OXR1: variants seen among roughly 807,000 people sequenced by gnomAD.
The protein encoded by OXR1 is oxidation resistance protein 1.
OXR1 carries 41 observed loss-of-function variants against 104.6 expected under a neutral mutation model. The observed-to-expected ratio is 0.39, with a 90% confidence interval of 0.31 to 0.51. The LOEUF (loss-of-function observed/expected upper bound fraction) is 0.51. Among genes scored for constraint, OXR1 ranks in the 20% least tolerant of loss-of-function variants. The pLI is 0.77. For synonymous variants in OXR1, 348 were observed against 348.4 expected, an observed-to-expected ratio of 1.00 and a Z score of 0.01; for missense variants, 955 against 1,031.9, an observed-to-expected ratio of 0.93 and a Z score of 1.02.
chr8:106,339,323 G>A (rs1221870970), intron 1 of OXR1, among the ~76,000 whole-genome samples: 2 of 150,350 alleles, frequency 1.3e-5, no homozygotes, highest in African/African-American at 4.9e-5. Flanking sequence ...GTGAAACCCT[G>A]TCTCTACTAA....
chr8:106,713,037 G>T (rs548845868), intron 10 of OXR1, among the ~76,000 whole-genome samples: 5 of 151,998 alleles, frequency 3.3e-5, no homozygotes, highest in African/African-American at 1.2e-4. Flanking sequence ...TGATAAAAAG[G>T]TAAGATGTTA....
At chr8:106,337,811 C>G (rs1406380316) in intron 1 of OXR1, among the ~76,000 whole-genome samples, 1 of 152,072 alleles carries the variant, frequency 6.6e-6, no homozygotes, top group African/African-American at 2.4e-5. Context: ...GATGTATAAA[C>G]AGAATTCCAT....
chr8:106,570,521 A>G (rs1317035946), intron 3 of OXR1, among the ~76,000 whole-genome samples: 1 of 152,210 alleles, frequency 6.6e-6, no homozygotes, highest in Admixed American at 6.5e-5. Flanking sequence ...AAATTGATAT[A>G]AATAATAAGA....
chr8:106,647,314 C>G (rs1824166893), intron 3 of OXR1, among the ~76,000 whole-genome samples: 1 of 152,174 alleles, frequency 6.6e-6, no homozygotes, highest in South Asian at 2.1e-4. Flanking sequence ...CTCTCCCAGT[C>G]TATTGAAAGG....
intron 2 of OXR1, among the ~76,000 whole-genome samples, chr8:106,451,082 G>A (rs184480926): frequency 6.6e-6 from 1 of 152,104 alleles, no homozygotes; most frequent in Non-Finnish European, 1.5e-5. Flanking sequence ...CAGCTCCAGT[G>A]TCTGAAATAA....
chr8:106,749,860 A>G (rs1835728923), intron 16 of OXR1, among the ~76,000 whole-genome samples: 1 of 152,126 alleles, frequency 6.6e-6, no homozygotes, highest in African/African-American at 2.4e-5. Flanking sequence ...CCTCTCGGTT[A>G]TGTATTAGAT....
chr8:106,533,991 G>A (rs562515365), intron 3 of OXR1, among the ~76,000 whole-genome samples: 1 of 152,286 alleles, frequency 6.6e-6, no homozygotes, highest in East Asian at 1.9e-4. Context: ...AGGATTACAG[G>A]CGTGAACCAC....
intron 1 of OXR1, among the ~76,000 whole-genome samples, chr8:106,296,271 A>G (rs1220621793): frequency 1.3e-5 from 2 of 152,132 alleles, no homozygotes; most frequent in African/African-American, 4.8e-5. Flanking sequence ...GAGTTCTCCA[A>G]AGATCTCTTT....
chr8:106,583,025 C>A (rs1433329428), intron 3 of OXR1, among the ~76,000 whole-genome samples: 1 of 152,052 alleles, frequency 6.6e-6, no homozygotes, highest in Non-Finnish European at 1.5e-5. Context: ...AAACTTATTC[C>A]TATTGATTAA....
intron 2 of OXR1, among the ~76,000 whole-genome samples, chr8:106,391,753 C>T (rs1817594478): frequency 6.6e-6 from 1 of 151,904 alleles, no homozygotes; most frequent in South Asian, 2.1e-4. Flanking sequence ...AGTGTTTTTC[C>T]ATACAGTATT....
At chr8:106,695,656 G>T (rs1829945333) in intron 7 of OXR1, among the ~76,000 whole-genome samples, 1 of 152,066 alleles carries the variant, frequency 6.6e-6, no homozygotes, top group Non-Finnish European at 1.5e-5. Flanking sequence ...CTGACCTCGT[G>T]ATCCGCCTGC....
intron 2 of OXR1, among the ~76,000 whole-genome samples, chr8:106,477,761 T>C (rs1247597647): frequency 1.3e-5 from 2 of 151,998 alleles, no homozygotes; most frequent in Admixed American, 6.6e-5. Flanking sequence ...CAAATCCATG[T>C]TGTTCAAAGG....
intron 2 of OXR1, among the ~76,000 whole-genome samples, chr8:106,476,813 A>C (rs1821834687): frequency 6.6e-6 from 1 of 151,320 alleles, no homozygotes; most frequent in Middle Eastern, 3.4e-3. Context: ...TAGATTCTTC[A>C]CCCTCCTTTT....
intron 7 of OXR1, chr8:106,697,328 G>C: frequency 1.1e-6 from 1 of 932,176 alleles, no homozygotes; most frequent in East Asian, 2.4e-5. Context: ...GGGAGCTTAA[G>C]AGCTCTGGGG....
chr8:106,689,679 T>C lies in OXR1; in HGVS notation c.526-3049T>C, dbSNP rs188281283. On this transcript the variant is annotated intron_variant, in intron 6 of 16. Transcript: ENST00000517566. ...TAGTTAATTTTCTTCATTTAAGATA[T>C]GTTGAAGGGTTAAGTTAATTTCTCA... 1.1e-4 allele frequency among the ~76,000 whole-genome samples: 17 copies of C among 152,108 alleles called. No individual in the cohort carries two copies. The East Asian group carries it at 3.3e-3, about 29-fold the overall frequency.
intron 2 of OXR1, among the ~76,000 whole-genome samples, chr8:106,410,604 A>C (rs1312862076): frequency 6.6e-6 from 1 of 152,152 alleles, no homozygotes; most frequent in Admixed American, 6.5e-5. Context: ...TGAGGATCCA[A>C]GTGCTTATAA....
intron 2 of OXR1, among the ~76,000 whole-genome samples, chr8:106,362,165 C>T (rs948654258): frequency 1.3e-5 from 2 of 152,182 alleles, no homozygotes; most frequent in African/African-American, 4.8e-5. Flanking sequence ...CTGCCAGACT[C>T]TGTCTGCTTG....
chr8:106,299,129 C>T (rs891279316), intron 1 of OXR1, among the ~76,000 whole-genome samples: 1 of 152,064 alleles, frequency 6.6e-6, no homozygotes, highest in Non-Finnish European at 1.5e-5. Context: ...TACTTTATCA[C>T]TTTGTGTTCA....
intron 3 of OXR1, among the ~76,000 whole-genome samples, chr8:106,640,434 T>A (rs1385602852): frequency 6.6e-6 from 1 of 151,740 alleles, no homozygotes; most frequent in Non-Finnish European, 1.5e-5. Flanking sequence ...TAATTATGAT[T>A]TTCCCCTTAT....
Sources: allele counts gnomAD v4.1 joint callset (sites outside exome capture counted in the v4.1 genomes callset), GRCh38; gene constraint gnomAD v4.1.1; transcripts MANE v1.5; gene names NCBI Gene and HGNC (gene_info 2026-07-23, HGNC 2026-07-21).